Variants in CDK14 observed in about 807,000 individuals in gnomAD.
The protein encoded by CDK14 is cyclin-dependent kinase 14.
In CDK14, 34 loss-of-function variants were observed where a neutral mutation model predicts 60.7. The ratio of observed to expected loss-of-function variants is 0.56; its 90% CI spans 0.43 to 0.75. The LOEUF is 0.75. Ranked by LOEUF, CDK14 falls within the 30% of genes least tolerant of loss-of-function variation. The probability of loss-of-function intolerance (pLI) is 0.00; values close to 1 mark genes in which losing one functional copy is unlikely to be tolerated. For missense variants in CDK14, 482 were observed against 564.1 expected, an observed-to-expected ratio of 0.85 and a Z score of 1.47; for synonymous variants, 197 against 203.7, an observed-to-expected ratio of 0.97 and a Z score of 0.28.
intron 2 of CDK14, among the ~76,000 whole-genome samples, chr7:90,604,655 C>T (rs1440130065): frequency 6.6e-6 from 1 of 152,172 alleles, no homozygotes; most frequent in Non-Finnish European, 1.5e-5. Flanking sequence ...GTCGATGCCA[C>T]ATATTGTCTG....
intron 14 of CDK14, among the ~76,000 whole-genome samples, chr7:91,177,690 T>C (rs1263000035): frequency 2.0e-5 from 3 of 148,440 alleles, no homozygotes; most frequent in African/African-American, 4.9e-5. Flanking sequence ...AGCCAAATCA[T>C]GAGTGAACTC....
At position 91,015,521 on chromosome 7, in the gene CDK14, G is replaced by GTTTT. The variant is rs10710645; in HGVS notation, c.1042-30355_1042-30352dup. Among the ~76,000 whole-genome samples the GTTTT allele has an allele frequency of 1.0e-2, 775 of 77,676 alleles. 23 individuals carry two copies. Among genetic ancestry groups the GTTTT allele is most frequent in the Middle Eastern group, 0.017 (1 of 60 alleles). 51.0% of individuals were successfully genotyped at this position (77,676 alleles called of 152,430 possible). A position where few individuals can be genotyped will look rare whatever the true frequency, so the allele number is the denominator to read the frequency against. On this transcript the variant is annotated intron_variant, in intron 10 of 14. Coordinates refer to ENST00000380050, the MANE Select transcript of CDK14 (RefSeq NM_001287135.2). ...CCTACCCCAGCAGAGTATGTCTTGG[G>GTTTT]TTTTTTTTTTTTTTTTTTTTTTTTG...
At chr7:90,775,649 T>TCCCCTCCCCCTTCCCCTCCCCCTC (rs1805004740) in intron 4 of CDK14, among the ~76,000 whole-genome samples, 1 of 48,722 alleles carries the variant, frequency 2.1e-5, no homozygotes, top group African/African-American at 8.8e-5. Flanking sequence ...CCCTCCCCCT[T>TCCCCTCCCCCTTCCCCTCCCCCTC]CCCCTCCCCC....
chr7:90,929,230 C>T (rs2117464424), intron 8 of CDK14, among the ~76,000 whole-genome samples: 1 of 152,306 alleles, frequency 6.6e-6, no homozygotes, highest in Middle Eastern at 3.4e-3. Context: ...TCTGACAAGC[C>T]CCAATGAGAT....
At chr7:90,866,481 C>T (rs1002279493) in intron 6 of CDK14, among the ~76,000 whole-genome samples, 2 of 152,062 alleles carry the variant, frequency 1.3e-5, no homozygotes, top group African/African-American at 4.8e-5. Flanking sequence ...ACCAATACCC[C>T]ATGCCCATTA....
intron 8 of CDK14, among the ~76,000 whole-genome samples, chr7:90,931,325 A>C (rs1037698023): frequency 6.6e-6 from 1 of 152,262 alleles, no homozygotes; most frequent in African/African-American, 2.4e-5. Flanking sequence ...TGTAAATTGA[A>C]AGCACAAATG....
chr7:90,714,363 T>A (rs551821996), intron 2 of CDK14, among the ~76,000 whole-genome samples: 1 of 152,194 alleles, frequency 6.6e-6, no homozygotes, highest in East Asian at 1.9e-4. Flanking sequence ...AACAGCAGGA[T>A]GTGTGTATCC....
chr7:90,985,023 A>G (rs1388182181), intron 10 of CDK14, among the ~76,000 whole-genome samples: 1 of 152,210 alleles, frequency 6.6e-6, no homozygotes. Flanking sequence ...GTATGTTGTT[A>G]ATATCAATAT....
chr7:91,070,248 TTGCTGCTGCTGC>T (rs904027568), intron 11 of CDK14, among the ~76,000 whole-genome samples: 6 of 131,164 alleles, frequency 4.6e-5, no homozygotes, highest in African/African-American at 1.7e-4. Flanking sequence ...TATTTTGTTG[TTGCTGCTGCTGC>T]TGCTGCTGCT....
At chr7:91,053,039 C>T (rs1037879465) in intron 11 of CDK14, among the ~76,000 whole-genome samples, 1 of 151,918 alleles carries the variant, frequency 6.6e-6, no homozygotes, top group Admixed American at 6.6e-5. Context: ...CCTTCCTCTT[C>T]TCTGGCCTGA....
At chr7:90,834,358 T>C (rs1385490253) in intron 5 of CDK14, among the ~76,000 whole-genome samples, 2 of 152,110 alleles carry the variant, frequency 1.3e-5, no homozygotes, top group African/African-American at 2.4e-5. Flanking sequence ...GTCAGACATA[T>C]AGATTGACTT....
At chr7:90,825,358 G>A (rs966961063) in intron 5 of CDK14, among the ~76,000 whole-genome samples, 1 of 152,158 alleles carries the variant, frequency 6.6e-6, no homozygotes, top group Non-Finnish European at 1.5e-5. Flanking sequence ...AAAGGGCCCT[G>A]TAGGACCCTC....
chr7:90,773,302 A>C (rs1804862898), intron 4 of CDK14, among the ~76,000 whole-genome samples: 1 of 152,156 alleles, frequency 6.6e-6, no homozygotes, highest in South Asian at 2.1e-4. Flanking sequence ...GACCACCTAG[A>C]TCCAAATTGT....
intron 4 of CDK14, among the ~76,000 whole-genome samples, chr7:90,753,702 T>G (rs1803939489): frequency 6.6e-6 from 1 of 152,148 alleles, no homozygotes; most frequent in African/African-American, 2.4e-5. Context: ...ATTATCCATC[T>G]TTGCTGACAA....
intron 2 of CDK14, among the ~76,000 whole-genome samples, chr7:90,703,769 A>T (rs1268920766): frequency 6.6e-6 from 1 of 152,206 alleles, no homozygotes; most frequent in Non-Finnish European, 1.5e-5. Context: ...ACATGTAGGG[A>T]TGAGGACATT....
At chr7:90,709,715 C>A in intron 2 of CDK14, 1 of 1,464,478 alleles carries the variant, frequency 6.8e-7, no homozygotes, top group South Asian at 1.4e-5. Flanking sequence ...GAGTTCTTCT[C>A]AACAGTTTTT....
At chr7:90,674,340 G>T (rs1273123811) in intron 2 of CDK14, among the ~76,000 whole-genome samples, 3 of 152,226 alleles carry the variant, frequency 2.0e-5, no homozygotes, top group East Asian at 3.9e-4. Context: ...CCAGTTGCTG[G>T]GATTGTCAGA....
chr7:90,868,157 A>G (rs969493039), intron 6 of CDK14, among the ~76,000 whole-genome samples: 3 of 151,990 alleles, frequency 2.0e-5, no homozygotes, highest in East Asian at 1.9e-4. Context: ...ATTTATATAT[A>G]TGCATTCACC....
rs990763314 is a variant in CDK14 at position 90,710,529 on chromosome 7, A to T, written c.124-16038A>T. On this transcript the variant is annotated intron_variant, in intron 2 of 14. Coordinates refer to ENST00000380050, the MANE Select transcript of CDK14 (RefSeq NM_001287135.2). ...TCCTTCCTTTTTGGATCACAGAAATACACCTGCTTTAAGTGTGTACTGCTG... is the reference window on the plus strand; with the variant it reads ...TCCTTCCTTTTTGGATCACAGAAATTCACCTGCTTTAAGTGTGTACTGCTG... 5.1e-6 allele frequency: 5 copies of T among 985,222 alleles called. No individual in the cohort carries two copies. In the African/African-American group the frequency reaches 8.7e-5, roughly 17 times the overall value. 61.0% of individuals were successfully genotyped at this position (985,222 alleles called of 1,614,324 possible).
Sources: gnomAD v4.1 joint callset for allele counts (sites outside exome capture counted in the v4.1 genomes callset) on GRCh38, gnomAD v4.1.1 for gene constraint, MANE v1.5 for transcripts, NCBI Gene and HGNC (gene_info 2026-07-23, HGNC 2026-07-21) for gene names.